Variants in COL6A1 observed in about 807,000 individuals in gnomAD.
COL6A1 encodes the protein collagen type VI alpha 1 chain.
COL6A1 carries 80 observed loss-of-function variants against 145.6 expected under a neutral mutation model. That is an observed-to-expected ratio of 0.55 (90% CI 0.46 to 0.66). The LOEUF (loss-of-function observed/expected upper bound fraction) is 0.66. COL6A1 is among the 30% of genes least tolerant of loss of function. The pLI is 0.00. For synonymous variants in COL6A1, 638 were observed against 622.8 expected (o/e 1.02, Z -0.36); for missense variants, 1,364 against 1,473.8 (o/e 0.93, Z 1.22).
At chr21:45,987,096 G>T (rs1168939370) in intron 5 of COL6A1, 24 bp downstream of exon 5, 2 of 1,566,698 alleles carry the variant, frequency 1.3e-6, no homozygotes, top group Non-Finnish European at 1.7e-6. Flanking sequence ...CCAGGAGACG[G>T]GGAGGCCCGC....
chr21:45,987,067 A>G lies in COL6A1; in HGVS notation c.712A>G (p.Met238Val). 2 of 1,556,850 alleles carry G rather than the reference A, an allele frequency of 1.3e-6. No homozygotes were observed. Among genetic ancestry groups the G allele is most frequent in the Non-Finnish European group, 1.7e-6 (2 of 1,150,716 alleles). The part of the protein sequence containing the change: ...ISQTIDTIVD[M>V]IKNNVEQVCC... ...CCAGACCATCGACACCATCGTGGAC[A>G]TGATCGTGAGGCCCCTGCCCAGGAG... The change falls in exon 5 of 35, where the codon ATG (methionine) becomes GTG (valine). Residue 238 changes from methionine (M) to valine (V), a missense_variant. Met to Val is a conservative substitution (Grantham distance 21, BLOSUM62 1). Coordinates refer to ENST00000361866, the MANE Select transcript of COL6A1 (RefSeq NM_001848.3).
At chr21:45,997,570 C>G in intron 21 of COL6A1, 87 bp downstream of exon 21, 2 of 1,544,514 alleles carry the variant, frequency 1.3e-6, no homozygotes, top group Non-Finnish European at 1.8e-6. Flanking sequence ...GGCCCCGTGC[C>G]CTCTGAGGAC....
intron 29 of COL6A1, 101 bp downstream of exon 29, chr21:46,000,868 C>G (rs981617337): frequency 7.7e-6 from 11 of 1,429,908 alleles, no homozygotes; most frequent in Non-Finnish European, 9.9e-6. Flanking sequence ...GCACTCTGGT[C>G]CCCGCCCGCA....
At chr21:45,997,302 CTG>C in intron 20 of COL6A1, 117 bp from the exon 21 acceptor site, 1 of 933,286 alleles carries the variant, frequency 1.1e-6, no homozygotes. Context: ...ACTGATGGGA[CTG>C]GGGCCAGAGC....
At chr21:45,992,292 C>G in intron 17 of COL6A1, 71 bp from the exon 18 acceptor site, 1 of 1,613,376 alleles carries the variant, frequency 6.2e-7, no homozygotes, top group South Asian at 1.1e-5. Flanking sequence ...TCGGGGTCTA[C>G]TCCACGTCCC....
chr21:45,997,217 G>C (rs1426554004), intron 20 of COL6A1, among the ~76,000 whole-genome samples: 4 of 151,690 alleles, frequency 2.6e-5, no homozygotes, highest in Non-Finnish European at 5.9e-5. Context: ...CCACCGAAGG[G>C]CTTCAACACT....
Position 45,994,354 on chromosome 21 carries a change from C to A in COL6A1, c.1398+125C>A. On this transcript the variant is annotated intron_variant, in intron 20 of 34. Transcript: ENST00000361866. This position sits in a 1 kb window ranked among gnomAD's most constrained non-coding sequence, Gnocchi z 6.8. ...TGAGGGCCTCTGTGTTTCCGTAGAT[C>A]TCGGGGGTGTCCCTGCGTGGGAGCC... The A allele has an allele frequency of 1.0e-6, 1 of 974,234 alleles. No homozygotes were observed. The highest frequency in any genetic ancestry group is 1.4e-5 in the South Asian group (1 of 69,538). 60.3% of individuals were successfully genotyped at this position (974,234 alleles called of 1,614,324 possible).
rs373480489 is a variant in COL6A1 at position 46,002,955 on chromosome 21, G to A, written c.2435-165G>A. 2.9e-3 allele frequency among the ~76,000 whole-genome samples: 441 copies of A among 152,242 alleles called. 2 individuals carry two copies. The highest frequency in any genetic ancestry group is 9.7e-3 in the African/African-American group (405 of 41,554). On this transcript the variant is annotated intron_variant, in intron 33 of 34. Coordinates refer to ENST00000361866, the MANE Select transcript of COL6A1 (RefSeq NM_001848.3). ...AGGGGCACGGCCACCCTGTAGGTGC[G>A]CACGGGGCCGCCTGGGGCTGTCCCA... is the stretch of plus-strand genomic sequence containing the variant.
At position 46,003,122 on chromosome 21, in the gene COL6A1, A is replaced by G. The variant is rs936641232; in HGVS notation, c.2437A>G (p.Lys813Glu). ...KNVTAQICID[K>E]KCPDYTCPIT... The stretch of plus-strand genomic sequence containing the variant: ...TGCACGGCTTTTCTCTTTTACAGAC[A>G]AGAAGTGTCCAGATTACACCTGCCC... The change falls in exon 34 of 35, where the codon AAG becomes GAG. Residue 813 changes from lysine (K) to glutamate (E), a missense_variant and splice_region_variant. Lys to Glu is a moderately conservative substitution (Grantham distance 56, BLOSUM62 1). Coordinates refer to ENST00000361866, the MANE Select transcript of COL6A1 (RefSeq NM_001848.3). The G allele has an allele frequency of 4.3e-6, 7 of 1,613,928 alleles. No homozygotes were observed. The highest frequency in any genetic ancestry group is 1.3e-5 in the African/African-American group (1 of 74,928).
intron 15 of COL6A1, among the ~76,000 whole-genome samples, chr21:45,991,604 G>A (rs1254077062): frequency 5.9e-5 from 9 of 152,178 alleles, no homozygotes; most frequent in African/African-American, 1.2e-4. Context: ...GGAAGACAAA[G>A]GCGAATGCTG....
At chr21:45,991,191 G>A (rs2077774994) in intron 15 of COL6A1, 150 bp downstream of exon 15, 3 of 868,358 alleles carry the variant, frequency 3.5e-6, no homozygotes, top group Admixed American at 4.0e-5. Flanking sequence ...CTGGAGGCAG[G>A]CAGAGGAGCA....
Position 45,981,864 on chromosome 21 carries a change from G to T in COL6A1, c.14G>T (p.Arg5Leu). ...CAGGCCCCAGACATGAGGGCGGCCC[G>T]TGCTCTGCTGCCCCTGCTGCTGCAG... Reference protein sequence around the residue: MRAARALLPLLLQAC... With the variant: MRAALALLPLLLQAC... The change falls in exon 1 of 35, where the codon CGT becomes CTT. Residue 5 changes from arginine (R) to leucine (L), a missense_variant. Coordinates refer to ENST00000361866, the MANE Select transcript of COL6A1 (RefSeq NM_001848.3). 1 of 1,593,036 alleles carries T rather than the reference G, an allele frequency of 6.3e-7. No individual in the cohort carries two copies. Among genetic ancestry groups the T allele is most frequent in the Admixed American group, 1.7e-5 (1 of 57,994 alleles).
chr21:45,993,547 G>T (rs572337014), intron 19 of COL6A1, among the ~76,000 whole-genome samples: 1 of 152,348 alleles, frequency 6.6e-6, no homozygotes, highest in South Asian at 2.1e-4. Context: ...TGCGACTGTC[G>T]TGTGCTGTGA....
intron 29 of COL6A1, 105 bp downstream of exon 29, chr21:46,000,872 G>T: frequency 1.4e-6 from 2 of 1,404,882 alleles, no homozygotes. Flanking sequence ...TCTGGTCCCC[G>T]CCCGCAGCTC....
In COL6A1 at chr21:46,001,272, C is replaced by G. The variant is rs764670520; in HGVS notation, c.1842C>G (p.Ile614Met). The G allele has an allele frequency of 2.5e-6, 4 of 1,610,228 alleles. No homozygotes were observed. Among genetic ancestry groups the G allele is most frequent in the East Asian group, 2.2e-5 (1 of 44,866 alleles). Residue 614 changes from isoleucine (I) to methionine (M), a missense_variant, in exon 30 of 35, where the codon ATC (isoleucine) becomes ATG (methionine). Ile to Met is a conservative substitution (Grantham distance 10, BLOSUM62 1). Around this residue, in one of 3 missense-constraint regions of COL6A1, gnomAD observed 938 missense variants for 1,003.8 expected, o/e 0.93. Coordinates refer to ENST00000361866, the MANE Select transcript of COL6A1 (RefSeq NM_001848.3). ...CSCCECKCGPIDLLFVLDSSE... is the reference protein window; with the variant it reads ...CSCCECKCGPMDLLFVLDSSE... ...CTGCAGAATGCAAGTGCGGCCCCAT[C>G]GACCTCCTGTTCGTGCTGGACAGCT...
In COL6A1 at chr21:45,998,176, G is replaced by A; in HGVS notation, c.1575+5G>A. 1 of 1,611,800 alleles carries A rather than the reference G, an allele frequency of 6.2e-7. No homozygotes were observed. Among genetic ancestry groups the A allele is most frequent in the Non-Finnish European group, 8.5e-7 (1 of 1,179,526 alleles). On this transcript the variant is annotated splice_donor_5th_base_variant and intron_variant, in intron 23 of 34. Transcript: ENST00000361866. The stretch of plus-strand genomic sequence containing the variant: ...GAGGGCTTCCCCGGCTTCCCCGTAA[G>A]TGTCCGGAGGCTGAGCCCACAGGAA...
At chr21:45,997,791 G>T in intron 22 of COL6A1, 29 bp downstream of exon 22, 2 of 1,561,992 alleles carry the variant, frequency 1.3e-6, no homozygotes, top group South Asian at 2.3e-5. Flanking sequence ...GGGCCCTAGG[G>T]CGGAGGCCTG....
At position 45,990,916 on chromosome 21, in the gene COL6A1, G is replaced by T. The variant is rs1003408813; in HGVS notation, c.1057-63G>T. ...TTTTGACTTCTGTCTGGGCGGTCTGGGGCTGCTGCCAGAGGCCGCGGTGGC... is the reference window on the plus strand; with the variant it reads ...TTTTGACTTCTGTCTGGGCGGTCTGTGGCTGCTGCCAGAGGCCGCGGTGGC... On this transcript the variant is annotated intron_variant, in intron 14 of 34. Transcript: ENST00000361866. 31 of 1,610,296 alleles carry T rather than the reference G, an allele frequency of 1.9e-5. No homozygotes were observed. The East Asian group carries it at 6.0e-4, about 31-fold the overall frequency.
At chr21:45,991,756 A>C (rs1327141981) in intron 15 of COL6A1, among the ~76,000 whole-genome samples, 1 of 152,130 alleles carries the variant, frequency 6.6e-6, no homozygotes, top group African/African-American at 2.4e-5. Context: ...TGCCTTCTCT[A>C]ATGGGAACCA....
Sources: gnomAD v4.1 joint callset for allele counts (sites outside exome capture counted in the v4.1 genomes callset) on GRCh38, gnomAD v4.1.1 for gene constraint, gnomAD v4.1.1 regional missense constraint, Gnocchi (gnomAD v3.1) non-coding constraint, MANE v1.5 for transcripts, NCBI Gene and HGNC (gene_info 2026-07-23, HGNC 2026-07-21) for gene names.